GOT1: variants seen among roughly 807,000 people sequenced by gnomAD.
GOT1 encodes aspartate aminotransferase, cytoplasmic.
A neutral mutation model predicts 48.2 loss-of-function variants in GOT1; 25 were observed. The observed-to-expected ratio is 0.52, with a 90% confidence interval of 0.38 to 0.72. The LOEUF is 0.72. Among genes scored for constraint, GOT1 ranks in the 30% least tolerant of loss-of-function variants. GOT1 has a pLI of 0.00. For missense variants in GOT1, 380 were observed against 520.1 expected (o/e 0.73, Z 2.62); for synonymous variants, 188 against 193.8 (o/e 0.97, Z 0.25).
rs1313497790 is a variant in GOT1, at chr10:99,402,694, G to A, written c.988C>T (p.Arg330Trp). ...AGTTCAGATCTCATGGTCAGAATCC[G>A]GTCAGCCATTGTCTTCACATTACCT... ...WTGNVKTMAD[R>W]ILTMRSELRA... Residue 330 changes from arginine (R) to tryptophan (W), a missense_variant, in exon 8 of 9, where the codon CGG becomes TGG. Physicochemically the swap from Arg to Trp is moderately radical, Grantham distance 101. Transcript: ENST00000370508. 1.2e-5 allele frequency: 19 copies of A among 1,613,700 alleles called. No homozygotes were observed. Among genetic ancestry groups the A allele is most frequent in the Admixed American group, 6.7e-5 (4 of 59,996 alleles).
chr10:99,425,921 A>C (rs1371972648), intron 1 of GOT1, among the ~76,000 whole-genome samples: 1 of 152,142 alleles, frequency 6.6e-6, no homozygotes, highest in Admixed American at 6.5e-5. Flanking sequence ...AACAACACGG[A>C]TTTACTAAAT....
chr10:99,405,205 A>G (rs904350328), intron 5 of GOT1, among the ~76,000 whole-genome samples: 10 of 152,208 alleles, frequency 6.6e-5, no homozygotes, highest in Admixed American at 4.6e-4. Context: ...CAAACTCGTT[A>G]AGGAAGAATA....
intron 1 of GOT1, among the ~76,000 whole-genome samples, chr10:99,426,966 T>C (rs982211375): frequency 3.9e-5 from 6 of 152,196 alleles, no homozygotes; most frequent in Admixed American, 1.3e-4. Context: ...AGGGGTATAC[T>C]TGGGGATGTG....
chr10:99,407,485 T>G (rs1034483961), intron 2 of GOT1, among the ~76,000 whole-genome samples: 1 of 151,350 alleles, frequency 6.6e-6, no homozygotes. Flanking sequence ...TAGGTTGGAG[T>G]GCAGTGGCAT....
At chr10:99,430,288 G>T in intron 1 of GOT1, 160 bp downstream of exon 1, 1 of 1,567,782 alleles carries the variant, frequency 6.4e-7, no homozygotes, top group Non-Finnish European at 8.6e-7. Context: ...TGTAAAATGG[G>T]CAGGTTTTAG....
Position 99,430,468 on chromosome 10 carries a change from T to A in GOT1, c.98A>T (p.Lys33Met). Reference protein sequence around the residue: ...ADFREDPDPRKVNLGVGAYRT... With the variant: ...ADFREDPDPRMVNLGVGAYRT... ...CTTACCTCCCACTCCCAGGTTGACC[T>A]TGCGGGGGTCCGGATCCTCCCTGAA... The change falls in exon 1 of 9, where the codon AAG becomes ATG. Residue 33 changes from lysine (K) to methionine (M), a missense_variant. By Grantham distance (95) the Lys-to-Met change is moderately conservative. Transcript: ENST00000370508. 6.2e-7 allele frequency: 1 copy of A among 1,610,578 alleles called. No individual in the cohort carries two copies. Among genetic ancestry groups the A allele is most frequent in the South Asian group, 1.1e-5 (1 of 90,682 alleles).
chr10:99,405,628 T>C, intron 5 of GOT1, 128 bp downstream of exon 5: 1 of 609,038 alleles, frequency 1.6e-6, no homozygotes, highest in East Asian at 2.9e-5. Context: ...CAGTTAATAC[T>C]TATTTTCTTC....
chr10:99,414,318 CA>C (rs2032866013), intron 2 of GOT1, among the ~76,000 whole-genome samples: 1 of 152,062 alleles, frequency 6.6e-6, no homozygotes, highest in South Asian at 2.1e-4. Flanking sequence ...GACTTTAAAC[CA>C]ACAAAGATCA....
At chr10:99,425,787 G>A (rs924058895) in intron 1 of GOT1, among the ~76,000 whole-genome samples, 3 of 152,068 alleles carry the variant, frequency 2.0e-5, no homozygotes, top group African/African-American at 7.2e-5. Flanking sequence ...TGGAAATGAT[G>A]AGCTGTGCTT....
intron 1 of GOT1, among the ~76,000 whole-genome samples, chr10:99,429,095 C>T (rs2033078473): frequency 6.6e-6 from 1 of 151,688 alleles, no homozygotes; most frequent in African/African-American, 2.4e-5. Context: ...TGTCGCCCAG[C>T]CTGGAGTGCA....
chr10:99,418,057 A>T lies in GOT1; in HGVS notation c.300+2567T>A, dbSNP rs534249569. Among the ~76,000 whole-genome samples the T allele has an allele frequency of 1.3e-3, 198 of 149,168 alleles. 1 individual carries two copies. Among genetic ancestry groups the T allele is most frequent in the South Asian group, 0.013 (62 of 4,768 alleles). On this transcript the variant is annotated intron_variant, in intron 2 of 8. Transcript: ENST00000370508. ...CTAGAACTTAAAGTATAATTAAAAA[A>T]AAAAATATATATATATATAAAAAGA...
intron 8 of GOT1, 135 bp downstream of exon 8, chr10:99,402,445 C>T (rs111458234): frequency 1.1e-6 from 1 of 890,854 alleles, no homozygotes; most frequent in Non-Finnish European, 1.8e-6. Flanking sequence ...GAAAACCTAA[C>T]TTGTCCTGGT....
intron 1 of GOT1, chr10:99,430,137 G>A: frequency 1.7e-6 from 1 of 575,812 alleles, no homozygotes; most frequent in Non-Finnish European, 3.1e-6. Flanking sequence ...ACAAGCTCCG[G>A]CAGCCTCATT....
chr10:99,428,442 C>A (rs901544466), intron 1 of GOT1, among the ~76,000 whole-genome samples: 2 of 152,104 alleles, frequency 1.3e-5, no homozygotes, highest in African/African-American at 4.8e-5. Context: ...ACTGCAACCG[C>A]CACCTCCCAG....
chr10:99,401,539 C>T (rs887408584), intron 8 of GOT1, among the ~76,000 whole-genome samples: 4 of 151,900 alleles, frequency 2.6e-5, no homozygotes, highest in African/African-American at 4.8e-5. Flanking sequence ...AAAGAAATGA[C>T]GCCTGTAATC....
chr10:99,399,028 G>A (rs1405766513), intron 8 of GOT1, among the ~76,000 whole-genome samples: 4 of 152,164 alleles, frequency 2.6e-5, no homozygotes, highest in Non-Finnish European at 4.4e-5. Flanking sequence ...GCTCCTTGAA[G>A]GAAACCAAAA....
rs1472077704 is a variant in GOT1, at chr10:99,397,986, CT to C, written c.1103-301del. On this transcript the variant is annotated intron_variant, in intron 8 of 8. Coordinates refer to ENST00000370508, the MANE Select transcript of GOT1 (RefSeq NM_002079.3). The surrounding 1 kb of genome is among the most constrained non-coding windows in gnomAD (Gnocchi z 5.4). ...ATACATTATATCCACCAGGACACCC[CT>C]ATCACCTAAAAACAACCATCAGACG... Among the ~76,000 whole-genome samples, 2 of 152,188 alleles carry C rather than the reference CT, an allele frequency of 1.3e-5. No individual in the cohort carries two copies. Among genetic ancestry groups the C allele is most frequent in the African/African-American group, 2.4e-5 (1 of 41,450 alleles).
At chr10:99,413,358 A>G (rs1371065125) in intron 2 of GOT1, among the ~76,000 whole-genome samples, 2 of 152,232 alleles carry the variant, frequency 1.3e-5, no homozygotes, top group Non-Finnish European at 2.9e-5. Context: ...AGATCAAATG[A>G]ATGAAATGAA....
Position 99,430,463 on chromosome 10 carries a change from T to A in GOT1, c.103A>T (p.Asn35Tyr), listed in dbSNP as rs762666294. ...ACATCCTTACCTCCCACTCCCAGGT[T>A]GACCTTGCGGGGGTCCGGATCCTCC... Reference protein sequence around the residue: ...FREDPDPRKVNLGVGAYRTDD... With the variant: ...FREDPDPRKVYLGVGAYRTDD... Residue 35 changes from asparagine (N) to tyrosine (Y), a missense_variant, in exon 1 of 9, where the codon AAC (asparagine) becomes TAC (tyrosine). Coordinates refer to ENST00000370508, the MANE Select transcript of GOT1 (RefSeq NM_002079.3). 23 of 1,609,646 alleles carry A rather than the reference T, an allele frequency of 1.4e-5. No homozygotes were observed. The highest frequency in any genetic ancestry group is 8.4e-5 in the Admixed American group (5 of 59,676).
Sources: allele counts gnomAD v4.1 joint callset (sites outside exome capture counted in the v4.1 genomes callset), GRCh38; gene constraint gnomAD v4.1.1; non-coding constraint Gnocchi (gnomAD v3.1); transcripts MANE v1.5; gene names NCBI Gene and HGNC (gene_info 2026-07-23, HGNC 2026-07-21).